GCNT1: variants seen among roughly 807,000 people sequenced by gnomAD.
GCNT1 encodes the protein beta-1,3-galactosyl-O-glycosyl-glycoprotein beta-1,6-N-acetylglucosaminyltransferase.
In GCNT1, 16 loss-of-function variants were observed where a neutral mutation model predicts 26.2. The ratio of observed to expected loss-of-function variants is 0.61; its 90% CI spans 0.41 to 0.93. The LOEUF is 0.93. Among genes scored for constraint, GCNT1 ranks in the 40% least tolerant of loss-of-function variants. The pLI is 0.00. For synonymous variants in GCNT1, 183 were observed against 190.8 expected, an observed-to-expected ratio of 0.96 and a Z score of 0.34; for missense variants, 477 against 526.7, an observed-to-expected ratio of 0.91 and a Z score of 0.92.
At chr9:76,497,771 A>C (rs540121707) in intron 2 of GCNT1, among the ~76,000 whole-genome samples, 40 of 152,270 alleles carry the variant, frequency 2.6e-4, no homozygotes, top group Admixed American at 1.8e-3. Context: ...AACAAAAAAA[A>C]ACCCAAGACT....
At chr9:76,472,625 TG>T (rs1433042275) in intron 2 of GCNT1, among the ~76,000 whole-genome samples, 1 of 152,220 alleles carries the variant, frequency 6.6e-6, no homozygotes, top group East Asian at 1.9e-4. Context: ...TGAGAAATGC[TG>T]AATACCATGT....
intron 2 of GCNT1, among the ~76,000 whole-genome samples, chr9:76,491,158 C>CCT (rs548589632): frequency 0.042 from 6,437 of 151,848 alleles, 420 homozygotes; most frequent in African/African-American, 0.15. Flanking sequence ...TGTCTCTCTT[C>CCT]CTCTCTCTCT....
rs976567860 is a variant in GCNT1 at position 76,434,769 on chromosome 9, G to A, written n.38+14882G>A. Among the ~76,000 whole-genome samples, 14 of 152,238 alleles carry A rather than the reference G, an allele frequency of 9.2e-5. No homozygotes were observed. The East Asian group carries it at 1.2e-3, about 13-fold the overall frequency. ...TGGATGTGCAAGTAAGAGAGATATC[G>A]CTAAATTCTTTTCCTAGCAAGGAAT... On this transcript the variant is annotated intron_variant and non_coding_transcript_variant, in intron 1 of 3. Coordinates refer to the GCNT1 transcript ENST00000488136.
intron 2 of GCNT1, among the ~76,000 whole-genome samples, chr9:76,492,222 C>G (rs1336307943): frequency 6.6e-6 from 1 of 152,132 alleles, no homozygotes; most frequent in East Asian, 1.9e-4. Context: ...TTGATTCCCT[C>G]CTCAAGCAGC....
At chr9:76,427,198 C>CTTTT (rs35341377) in intron 1 of GCNT1, among the ~76,000 whole-genome samples, 4 of 142,038 alleles carry the variant, frequency 2.8e-5, no homozygotes, top group South Asian at 2.2e-4. Context: ...CTGCCAACAC[C>CTTTT]TTTTTTTTTT....
intron 1 of GCNT1, 122 bp downstream of exon 1, chr9:76,459,427 C>A (rs755634180): frequency 1.3e-5 from 2 of 152,166 alleles, no homozygotes; most frequent in Admixed American, 1.3e-4. Flanking sequence ...GGGCTGGGCT[C>A]CCCCGCGGAG....
chr9:76,395,446 G>T, the GCNT1 span, among the ~76,000 whole-genome samples: 1 of 152,108 alleles, frequency 6.6e-6, no homozygotes, highest in Admixed American at 6.5e-5. Flanking sequence ...TCTAGGCCAG[G>T]CTTGGTGGCT....
intron 2 of GCNT1, among the ~76,000 whole-genome samples, chr9:76,475,893 A>G (rs561961795): frequency 5.3e-5 from 8 of 152,270 alleles, no homozygotes; most frequent in African/African-American, 1.4e-4. Context: ...AACATAGGCT[A>G]TGTCTTCACT....
the GCNT1 span, among the ~76,000 whole-genome samples, chr9:76,407,463 C>T: frequency 6.6e-6 from 1 of 152,070 alleles, no homozygotes; most frequent in African/African-American, 2.4e-5. Context: ...TTCTATTGAT[C>T]TATTTGTCCA....
intron 2 of GCNT1, among the ~76,000 whole-genome samples, chr9:76,476,999 C>T (rs1824267025): frequency 6.6e-6 from 1 of 152,094 alleles, no homozygotes; most frequent in South Asian, 2.1e-4. Flanking sequence ...TTTGAAACCT[C>T]TGCCTCCCAG....
intron 1 of GCNT1, among the ~76,000 whole-genome samples, chr9:76,445,331 A>G (rs1823557732): frequency 1.3e-5 from 2 of 152,050 alleles, no homozygotes; most frequent in African/African-American, 4.8e-5. Flanking sequence ...AAGATGTGGT[A>G]CCTTACACAT....
chr9:76,480,944 A>C (rs910847495), intron 2 of GCNT1, among the ~76,000 whole-genome samples: 1 of 152,110 alleles, frequency 6.6e-6, no homozygotes, highest in South Asian at 2.1e-4. Flanking sequence ...AGGATTACTC[A>C]GAAAAAAAAA....
At chr9:76,416,071 C>T (rs1823129510), upstream of GCNT1, among the ~76,000 whole-genome samples, 1 of 152,118 alleles carries the variant, frequency 6.6e-6, no homozygotes, top group Admixed American at 6.5e-5. Context: ...TCCCTGTTTT[C>T]CCACTCCAAT....
chr9:76,419,584 A>G (rs1043746046), upstream of GCNT1, among the ~76,000 whole-genome samples: 1 of 152,080 alleles, frequency 6.6e-6, no homozygotes, highest in Non-Finnish European at 1.5e-5. Flanking sequence ...CTTGAGCCCA[A>G]GATGTCTAGG....
chr9:76,451,012 G>A (rs920521457), intron 1 of GCNT1, among the ~76,000 whole-genome samples: 1 of 152,108 alleles, frequency 6.6e-6, no homozygotes, highest in Non-Finnish European at 1.5e-5. Flanking sequence ...ACATATTTCA[G>A]GCTTTACTCT....
chr9:76,493,629 T>C (rs1824813701), intron 2 of GCNT1, among the ~76,000 whole-genome samples: 1 of 152,132 alleles, frequency 6.6e-6, no homozygotes, highest in African/African-American at 2.4e-5. Flanking sequence ...ATTTCTTTGC[T>C]TGTTTCCTTC....
intron 1 of GCNT1, among the ~76,000 whole-genome samples, chr9:76,420,417 AC>A (rs1182126383): frequency 6.6e-6 from 1 of 151,970 alleles, no homozygotes. Flanking sequence ...GGGATTACAG[AC>A]ACACACTACC....
At chr9:76,408,438 C>CCAGG in the GCNT1 span, among the ~76,000 whole-genome samples, 1 of 151,908 alleles carries the variant, frequency 6.6e-6, no homozygotes, top group Non-Finnish European at 1.5e-5. Context: ...AAACATTGAA[C>CCAGG]CAGGCTTACA....
the GCNT1 span, among the ~76,000 whole-genome samples, chr9:76,404,664 A>T: frequency 2.6e-5 from 4 of 152,198 alleles, no homozygotes; most frequent in African/African-American, 7.2e-5. Flanking sequence ...TGGGCATGAT[A>T]TAAGTCCAGC....
Sources: allele counts gnomAD v4.1 joint callset (sites outside exome capture counted in the v4.1 genomes callset), GRCh38; gene constraint gnomAD v4.1.1; transcripts MANE v1.5; gene names NCBI Gene and HGNC (gene_info 2026-07-23, HGNC 2026-07-21).